The following KCNT1 variants were observed in gnomAD, a reference collection of about 807,000 sequenced individuals.
The protein encoded by KCNT1 is potassium sodium-activated channel subfamily T member 1, also known as potassium channel subfamily T member 1.
In KCNT1, 78 loss-of-function variants were observed where a neutral mutation model predicts 147.8. The observed-to-expected ratio is 0.53, with a 90% CI of 0.44 to 0.64. The LOEUF is 0.64. KCNT1 is among the 30% of genes least tolerant of loss of function. KCNT1 has a pLI of 0.00. For missense variants in KCNT1, 1,419 were observed against 1,750.3 expected (o/e 0.81, Z 3.38); for synonymous variants, 867 against 748.8 (o/e 1.16, Z -2.58).
chr9:135,785,650 C>T, intron 28 of KCNT1: 1 of 561,076 alleles, frequency 1.8e-6, no homozygotes, highest in Non-Finnish European at 3.2e-6. Flanking sequence ...CTGACCAGCC[C>T]CCAGCCTCCC....
At position 135,761,027 on chromosome 9, in the gene KCNT1, ATT is replaced by A. The variant is rs370378994; in HGVS notation, c.1035+1179_1035+1180del. On this transcript the variant is annotated intron_variant, in intron 11 of 30. Transcript: ENST00000371757. ...AATCTTCCATTCACGGATGGTCTTGATTTTTTTTTTTTAAATTAGAGATAGGG... is the reference window on the plus strand; with the variant it reads ...AATCTTCCATTCACGGATGGTCTTGATTTTTTTTTTAAATTAGAGATAGGG... 2.5e-3 allele frequency among the ~76,000 whole-genome samples: 374 copies of A among 147,200 alleles called. 2 individuals carry two copies. Among genetic ancestry groups the A allele is most frequent in the Non-Finnish European group, 4.4e-3 (294 of 66,726 alleles).
rs112146520 is a variant in KCNT1, at chr9:135,734,335, G to A, written c.255-15763G>A. Among the ~76,000 whole-genome samples, 15 of 152,324 alleles carry A rather than the reference G, an allele frequency of 9.8e-5. No homozygotes were observed. The East Asian group carries it at 1.2e-3, about 12-fold the overall frequency. On this transcript the variant is annotated intron_variant, in intron 2 of 30. Transcript: ENST00000371757. ...GGCTCCAGCCATGGGCCCTGCACCC[G>A]TCCTGGTGCCCTGAGGCCAGGAAAG...
At chr9:135,791,020 C>G (rs561461253) in intron 29 of KCNT1, 95 of 152,500 alleles carry the variant, frequency 6.2e-4, no homozygotes, top group African/African-American at 2.2e-3. Context: ...CCACGCCCAC[C>G]CCATGAGCCG....
Position 135,768,481 on chromosome 9 carries a change from A to C in KCNT1, c.1338-129A>C, listed in dbSNP as rs1361460733. On this transcript the variant is annotated intron_variant, in intron 13 of 30. Transcript: ENST00000371757. ...CCGCCTTCCATCCAGCCGTCCTCTC[A>C]GTCTCTTTCTGTGCACCTGCTGCAC... 4 of 649,858 alleles carry C rather than the reference A, an allele frequency of 6.2e-6. No individual in the cohort carries two copies. In the East Asian group the frequency reaches 8.4e-5, roughly 14 times the overall value. The allele number at this position is 649,858 out of a possible 1,614,324, so 40.3% of individuals were successfully genotyped here.
intron 11 of KCNT1, among the ~76,000 whole-genome samples, chr9:135,763,015 C>A (rs963966382): frequency 2.0e-5 from 3 of 152,218 alleles, no homozygotes; most frequent in Admixed American, 2.0e-4. Context: ...TCCTTTCTCC[C>A]GTGTGGGGCA....
At chr9:135,766,317 TGTCTGGGGTGGGCC>T (rs1247557353) in intron 13 of KCNT1, among the ~76,000 whole-genome samples, 1 of 141,862 alleles carries the variant, frequency 7.0e-6, no homozygotes, top group Non-Finnish European at 1.5e-5. Flanking sequence ...TGGGGTGGGC[TGTCTGGGGTGGGCC>T]ATTCAGAGTG....
chr9:135,740,127 C>T (rs148805889), intron 2 of KCNT1, among the ~76,000 whole-genome samples: 60 of 152,188 alleles, frequency 3.9e-4, no homozygotes, highest in African/African-American at 1.4e-3. Context: ...GATTAGGGCC[C>T]ACCCTCATGG....
chr9:135,731,955 TGC>T (rs1283972212), intron 2 of KCNT1, among the ~76,000 whole-genome samples: 1 of 105,356 alleles, frequency 9.5e-6, no homozygotes, highest in African/African-American at 3.5e-5. Flanking sequence ...TTTTCAAATA[TGC>T]GTGTATATAT....
chr9:135,717,104 G>A (rs1198813858), intron 2 of KCNT1, among the ~76,000 whole-genome samples: 2 of 150,670 alleles, frequency 1.3e-5, no homozygotes, highest in Non-Finnish European at 1.5e-5. Flanking sequence ...TCTATAGGAC[G>A]GGAGGGAGGG....
intron 1 of KCNT1, among the ~76,000 whole-genome samples, chr9:135,708,208 A>G (rs1588246315): frequency 6.6e-6 from 1 of 152,212 alleles, no homozygotes; most frequent in East Asian, 1.9e-4. Context: ...GCACATGCAC[A>G]CAGATCCATG....
chr9:135,712,138 A>C (rs1226534066), intron 1 of KCNT1, among the ~76,000 whole-genome samples: 4 of 152,024 alleles, frequency 2.6e-5, no homozygotes, highest in African/African-American at 9.7e-5. Flanking sequence ...GGGTGCTCTG[A>C]GCCCCTGGGC....
At chr9:135,782,427 T>TC (rs1188789315) in intron 24 of KCNT1, among the ~76,000 whole-genome samples, 4 of 152,122 alleles carry the variant, frequency 2.6e-5, no homozygotes, top group African/African-American at 7.2e-5. Flanking sequence ...CTGTGTGATC[T>TC]CTCCTCCTCA....
chr9:135,713,104 G>C (rs1835570144), intron 1 of KCNT1, among the ~76,000 whole-genome samples: 2 of 152,230 alleles, frequency 1.3e-5, no homozygotes, highest in African/African-American at 4.8e-5. Flanking sequence ...GTGGGGACGG[G>C]AGGAGGCAGC....
intron 2 of KCNT1, among the ~76,000 whole-genome samples, chr9:135,716,284 G>A (rs533350115): frequency 6.6e-6 from 1 of 152,282 alleles, no homozygotes; most frequent in African/African-American, 2.4e-5. Context: ...CAGATGACTC[G>A]ATAACGCCTG....
chr9:135,758,137 G>A (rs1225300957), intron 9 of KCNT1, among the ~76,000 whole-genome samples: 2 of 144,618 alleles, frequency 1.4e-5, no homozygotes, highest in Non-Finnish European at 3.0e-5. Flanking sequence ...AGGTGTGGCC[G>A]TGGGCTGCCC....
At chr9:135,738,795 C>A (rs1830443374) in intron 2 of KCNT1, among the ~76,000 whole-genome samples, 1 of 152,162 alleles carries the variant, frequency 6.6e-6, no homozygotes, top group South Asian at 2.1e-4. Flanking sequence ...CAGTCCAGCT[C>A]CCCTGACCCT....
intron 1 of KCNT1, among the ~76,000 whole-genome samples, chr9:135,712,797 G>T (rs1009732622): frequency 6.6e-6 from 1 of 152,214 alleles, no homozygotes. Context: ...TGGCTCTGTG[G>T]GGGGAACAAG....
Position 135,784,436 on chromosome 9 carries a change from G to A in KCNT1, c.2944-99G>A, listed in dbSNP as rs1833853753. The A allele has an allele frequency of 8.0e-6, 7 of 878,988 alleles. No homozygotes were observed. In the South Asian group the frequency reaches 1.1e-4, roughly 14 times the overall value. 54.4% of individuals were successfully genotyped at this position (878,988 alleles called of 1,614,324 possible). On this transcript the variant is annotated intron_variant, in intron 25 of 30. Coordinates refer to ENST00000371757, the MANE Select transcript of KCNT1 (RefSeq NM_020822.3). ...AGGGGTGGCGAGCCCGTGGCCGGTG[G>A]GGTATGGACCTGTGTCCCACGCCCG...
intron 2 of KCNT1, among the ~76,000 whole-genome samples, chr9:135,732,035 GAGAGA>G (rs1564328388): frequency 2.8e-5 from 4 of 141,640 alleles, no homozygotes; most frequent in African/African-American, 7.8e-5. Flanking sequence ...GAGAGAGAGA[GAGAGA>G]GGGAGTCTCA....
Sources: allele counts gnomAD v4.1 joint callset (sites outside exome capture counted in the v4.1 genomes callset), GRCh38; gene constraint gnomAD v4.1.1; transcripts MANE v1.5; gene names NCBI Gene and HGNC (gene_info 2026-07-23, HGNC 2026-07-21).